Variants in SLC9A9 observed in about 807,000 individuals in gnomAD.
SLC9A9 encodes the protein sodium/hydrogen exchanger 9.
In SLC9A9, 62 loss-of-function variants were observed where a neutral mutation model predicts 77.8. That is an observed-to-expected ratio of 0.80 (90% CI 0.65 to 0.98). The LOEUF (loss-of-function observed/expected upper bound fraction) is 0.98. Ranked by LOEUF, SLC9A9 falls within the 50% of genes least tolerant of loss-of-function variation. The pLI is 0.00. For synonymous variants in SLC9A9, 320 were observed against 283.5 expected (o/e 1.13, Z -1.29); for missense variants, 775 against 774.9 (o/e 1.00, Z 0.00).
At chr3:143,531,430 G>A (rs1220710774) in intron 9 of SLC9A9, among the ~76,000 whole-genome samples, 1 of 152,196 alleles carries the variant, frequency 6.6e-6, no homozygotes, top group Admixed American at 6.5e-5. Flanking sequence ...TTCACATGAG[G>A]GAGAGAAGAA....
At chr3:143,481,727 C>A (rs2035577460) in intron 11 of SLC9A9, among the ~76,000 whole-genome samples, 1 of 152,184 alleles carries the variant, frequency 6.6e-6, no homozygotes, top group Non-Finnish European at 1.5e-5. Flanking sequence ...GCCATAGCTG[C>A]TGGCCTAAGG....
At chr3:143,665,325 C>A (rs1374677008) in intron 5 of SLC9A9, among the ~76,000 whole-genome samples, 1 of 152,212 alleles carries the variant, frequency 6.6e-6, no homozygotes. Flanking sequence ...CTCTGGGACA[C>A]ATTTAAAGCA....
At chr3:143,485,624 AC>A (rs2035642078) in intron 11 of SLC9A9, among the ~76,000 whole-genome samples, 1 of 151,992 alleles carries the variant, frequency 6.6e-6, no homozygotes. Flanking sequence ...AATCCAGAAA[AC>A]CCTGGGAAAG....
At chr3:143,380,067 A>T (rs1358057926) in intron 13 of SLC9A9, among the ~76,000 whole-genome samples, 2 of 152,184 alleles carry the variant, frequency 1.3e-5, no homozygotes, top group East Asian at 1.9e-4. Flanking sequence ...CGTTATTATC[A>T]TTTACATTTT....
At chr3:143,696,724 A>G (rs1415322272) in intron 4 of SLC9A9, among the ~76,000 whole-genome samples, 1 of 152,150 alleles carries the variant, frequency 6.6e-6, no homozygotes, top group Non-Finnish European at 1.5e-5. Flanking sequence ...GCAAGTTAGG[A>G]ATCTGAGGCT....
At chr3:143,454,072 C>T (rs571792317) in intron 12 of SLC9A9, among the ~76,000 whole-genome samples, 108 of 152,250 alleles carry the variant, frequency 7.1e-4, no homozygotes, top group African/African-American at 2.5e-3. Context: ...CTGCTGGCAC[C>T]TTTATCTTGG....
intron 4 of SLC9A9, among the ~76,000 whole-genome samples, chr3:143,767,404 G>GTGTA (rs1320721693): frequency 6.6e-6 from 1 of 151,718 alleles, no homozygotes; most frequent in East Asian, 1.9e-4. Context: ...GTGTGTGTGT[G>GTGTA]TGTGTGTGTT....
intron 12 of SLC9A9, among the ~76,000 whole-genome samples, chr3:143,395,162 C>T (rs1368955012): frequency 6.6e-6 from 1 of 152,170 alleles, no homozygotes; most frequent in Non-Finnish European, 1.5e-5. Context: ...GCCAAAAGAA[C>T]AAAGCTGGAG....
intron 1 of SLC9A9, chr3:143,847,494 A>G (rs2009854348): frequency 1.3e-5 from 2 of 152,306 alleles, no homozygotes. Flanking sequence ...CCAATACATA[A>G]ATAGGAGATA....
chr3:143,609,683 CT>C (rs1407601294), intron 6 of SLC9A9, among the ~76,000 whole-genome samples: 1 of 152,060 alleles, frequency 6.6e-6, no homozygotes, highest in African/African-American at 2.4e-5. Context: ...AAGTTACACC[CT>C]TTCTATTTTT....
At chr3:143,446,262 G>C (rs56164837) in intron 12 of SLC9A9, among the ~76,000 whole-genome samples, 28,381 of 151,896 alleles carry the variant, frequency 0.19, 3,531 homozygotes, top group Non-Finnish European at 0.28. Flanking sequence ...CAGTTTGTCG[G>C]TTGTAATATG....
At chr3:143,269,044 C>G in intron 14 of SLC9A9, 64 bp from the exon 15 acceptor site, 1 of 1,214,188 alleles carries the variant, frequency 8.2e-7, no homozygotes, top group South Asian at 1.2e-5. Context: ...TTACGCTGCA[C>G]AAACCTTTGT....
chr3:143,498,611 AAG>A (rs2035878832), intron 9 of SLC9A9, among the ~76,000 whole-genome samples: 1 of 151,966 alleles, frequency 6.6e-6, no homozygotes, highest in South Asian at 2.1e-4. Context: ...AAAAAAAAGA[AAG>A]AAATGTTTTT....
At chr3:143,528,345 C>T (rs1576555518) in intron 9 of SLC9A9, among the ~76,000 whole-genome samples, 1 of 152,286 alleles carries the variant, frequency 6.6e-6, no homozygotes, top group East Asian at 1.9e-4. Context: ...CCAATTAACT[C>T]AGTTGTCTGT....
At position 143,827,872 on chromosome 3, in the gene SLC9A9, T is replaced by G. The variant is rs1184809953; in HGVS notation, c.378+4147A>C. Among the ~76,000 whole-genome samples the G allele has an allele frequency of 2.6e-5, 4 of 152,340 alleles. No individual in the cohort carries two copies. The East Asian group carries it at 7.7e-4, about 29-fold the overall frequency. On this transcript the variant is annotated intron_variant, in intron 2 of 15. Coordinates refer to ENST00000316549, the MANE Select transcript of SLC9A9 (RefSeq NM_173653.4). Reference sequence around the variant, plus strand: ...AAAGGACCCAGTGGGGCCACACTAATGGCTTCTGTGACTCTGCTGAGCCGG... The same window carrying G: ...AAAGGACCCAGTGGGGCCACACTAAGGGCTTCTGTGACTCTGCTGAGCCGG...
chr3:143,763,198 G>A (rs564789561), intron 4 of SLC9A9, among the ~76,000 whole-genome samples: 2 of 152,138 alleles, frequency 1.3e-5, no homozygotes, highest in South Asian at 4.1e-4. Context: ...ATGACCAAAG[G>A]AGTTCATGAC....
At chr3:143,530,499 C>A (rs894198701) in intron 9 of SLC9A9, among the ~76,000 whole-genome samples, 1 of 152,170 alleles carries the variant, frequency 6.6e-6, no homozygotes, top group Non-Finnish European at 1.5e-5. Context: ...CATTAAACCT[C>A]TTTTCCTTTA....
chr3:143,517,125 C>T (rs1193917401), intron 9 of SLC9A9: 36 of 1,553,442 alleles, frequency 2.3e-5, no homozygotes, highest in Non-Finnish European at 3.2e-5. Context: ...GGGCATTACG[C>T]TTGACCTCCA....
chr3:143,718,708 T>C (rs1934418260), intron 4 of SLC9A9, among the ~76,000 whole-genome samples: 1 of 152,250 alleles, frequency 6.6e-6, no homozygotes. Flanking sequence ...GCTGCTCACC[T>C]GGATCAGCCC....
Sources: allele counts gnomAD v4.1 joint callset (sites outside exome capture counted in the v4.1 genomes callset), GRCh38; gene constraint gnomAD v4.1.1; transcripts MANE v1.5; gene names NCBI Gene and HGNC (gene_info 2026-07-23, HGNC 2026-07-21).